Variants in CDH26 observed in about 807,000 individuals in gnomAD.
CDH26 encodes cadherin-like protein 26.
Under a neutral mutation model 90.3 loss-of-function variants are expected in CDH26, and 83 were observed. The observed-to-expected ratio is 0.92, with a 90% CI of 0.77 to 1.10. The LOEUF is 1.10. Among genes scored for constraint, CDH26 ranks in the 50% least tolerant of loss-of-function variants. CDH26 has a pLI of 0.00. For missense variants in CDH26, 1,013 were observed against 1,037.6 expected (o/e 0.98, Z 0.33); for synonymous variants, 397 against 396.3 (o/e 1.00, Z -0.02).
At position 60,012,813 on chromosome 20, in the gene CDH26, T is replaced by C; in HGVS notation, c.*83T>C. On this transcript the variant is annotated 3_prime_UTR_variant, in exon 18 of 18. Transcript: ENST00000348616. Reference sequence around the variant, plus strand: ...GGATTTTTCCCCTTTGCTCTTCTTTTCCCTCCTTAAAAGAAAAATTACCTT... The same window carrying C: ...GGATTTTTCCCCTTTGCTCTTCTTTCCCCTCCTTAAAAGAAAAATTACCTT... 7.4e-7 allele frequency: 1 copy of C among 1,356,406 alleles called. No homozygotes were observed. The highest frequency in any genetic ancestry group is 2.4e-5 in the East Asian group (1 of 41,520). 84.0% of individuals were successfully genotyped at this position (1,356,406 alleles called of 1,614,324 possible). A position where few individuals can be genotyped will look rare whatever the true frequency, so the allele number is the denominator to read the frequency against.
chr20:60,003,958 G>A (rs554805301), intron 16 of CDH26, among the ~76,000 whole-genome samples: 133 of 152,286 alleles, frequency 8.7e-4, no homozygotes, highest in African/African-American at 2.5e-3. Context: ...CTGACACGGC[G>A]TCTTCCTCTG....
intron 11 of CDH26, 77 bp downstream of exon 11, chr20:59,994,566 G>T (rs766727695): frequency 6.4e-7 from 1 of 1,552,510 alleles, no homozygotes; most frequent in Non-Finnish European, 8.7e-7. Context: ...GGCAAAAAAG[G>T]ACTTTATTAG....
intron 7 of CDH26, among the ~76,000 whole-genome samples, chr20:60,020,981 G>A (rs568341832): frequency 6.6e-6 from 1 of 152,294 alleles, no homozygotes; most frequent in African/African-American, 2.4e-5. Context: ...GGGAGATGGG[G>A]TGCAGATGCA....
intron 1 of CDH26, among the ~76,000 whole-genome samples, chr20:59,962,351 G>A (rs901139896): frequency 3.3e-5 from 5 of 152,180 alleles, no homozygotes; most frequent in Admixed American, 2.6e-4. Context: ...AAACCAAGGC[G>A]TCAGCAGGGC....
chr20:59,974,292 T>C (rs2061300605), intron 4 of CDH26, among the ~76,000 whole-genome samples: 1 of 152,226 alleles, frequency 6.6e-6, no homozygotes, highest in Non-Finnish European at 1.5e-5. Context: ...ATTAAATCTT[T>C]CAGATGCAAA....
intron 15 of CDH26, among the ~76,000 whole-genome samples, chr20:60,002,406 G>C (rs868719393): frequency 3.3e-5 from 5 of 151,764 alleles, no homozygotes; most frequent in African/African-American, 1.2e-4. Context: ...ACCTCTGCTT[G>C]GTTTAATATT....
At chr20:60,031,410 T>C (rs999417561) in exon 8 of CDH26, 4 of 1,196,172 alleles carry the variant, frequency 3.3e-6, no homozygotes, top group Non-Finnish European at 3.2e-6. Context: ...AGAAAGTTGT[T>C]TATGACCACA....
chr20:59,979,551 A>G (rs1297071447), intron 4 of CDH26, among the ~76,000 whole-genome samples: 2 of 145,716 alleles, frequency 1.4e-5, no homozygotes, highest in African/African-American at 5.1e-5. Context: ...TTATAAAACT[A>G]AAGGGTGCTT....
At chr20:60,002,609 A>C (rs968145562) in intron 15 of CDH26, among the ~76,000 whole-genome samples, 1 of 152,096 alleles carries the variant, frequency 6.6e-6, no homozygotes, top group African/African-American at 2.4e-5. Flanking sequence ...TAGAGCTTGC[A>C]AATCTAATAT....
At chr20:60,008,183 T>A (rs1049666009) in intron 17 of CDH26, among the ~76,000 whole-genome samples, 1 of 152,176 alleles carries the variant, frequency 6.6e-6, no homozygotes, top group Non-Finnish European at 1.5e-5. Flanking sequence ...AAGACATAAA[T>A]GTAGACAGTC....
At chr20:59,976,953 C>T (rs901805824) in intron 4 of CDH26, among the ~76,000 whole-genome samples, 2 of 152,086 alleles carry the variant, frequency 1.3e-5, no homozygotes, top group African/African-American at 2.4e-5. Flanking sequence ...GGAGGGCCAC[C>T]GACCCTGGGC....
chr20:59,977,543 TAA>T (rs1491513980), intron 4 of CDH26, among the ~76,000 whole-genome samples: 7 of 150,402 alleles, frequency 4.7e-5, no homozygotes, highest in Non-Finnish European at 8.9e-5. Flanking sequence ...TATATTTTAT[TAA>T]TATATATATT....
At chr20:59,964,731 C>G (rs2061124468) in intron 1 of CDH26, among the ~76,000 whole-genome samples, 4 of 152,320 alleles carry the variant, frequency 2.6e-5, no homozygotes, top group South Asian at 2.1e-4. Context: ...TTTCAAACCT[C>G]TTTTTGAACA....
At chr20:60,014,858 G>A (rs1365871103), downstream of CDH26, among the ~76,000 whole-genome samples, 1 of 152,154 alleles carries the variant, frequency 6.6e-6, no homozygotes, top group Non-Finnish European at 1.5e-5. Context: ...TATTTGTAGA[G>A]TTTTTGAGGA....
chr20:59,981,903 T>A (rs2061399544), intron 4 of CDH26, among the ~76,000 whole-genome samples: 1 of 152,122 alleles, frequency 6.6e-6, no homozygotes, highest in African/African-American at 2.4e-5. Flanking sequence ...TTTGTTTTTA[T>A]TTCTTGAAAG....
At chr20:59,969,552 T>A (rs1417254853) in intron 2 of CDH26, among the ~76,000 whole-genome samples, 1 of 152,242 alleles carries the variant, frequency 6.6e-6, no homozygotes, top group Non-Finnish European at 1.5e-5. Flanking sequence ...AACAAAACAA[T>A]GCTTTAAATT....
At position 59,972,181 on chromosome 20, in the gene CDH26, T is replaced by C; in HGVS notation, c.393+58T>C. The C allele has an allele frequency of 1.1e-5, 17 of 1,520,200 alleles. No homozygotes were observed. In the South Asian group the frequency reaches 1.6e-4, roughly 14 times the overall value. The allele number at this position is 1,520,200 out of a possible 1,614,324, so 94.2% of individuals were successfully genotyped here. ...TTTAAAAGCTCTTGCAAGACTGTTG[T>C]ATTTGGTAAGCATTATTTAAGCTGA... On this transcript the variant is annotated intron_variant, in intron 4 of 17. Coordinates refer to ENST00000348616, the MANE Select transcript of CDH26 (RefSeq NM_177980.4).
At chr20:59,968,836 T>C in intron 1 of CDH26, 131 bp from the exon 2 acceptor site, 1 of 463,364 alleles carries the variant, frequency 2.2e-6, no homozygotes, top group East Asian at 3.3e-5. Flanking sequence ...TAAGAAATTC[T>C]ATTTACCAAA....
chr20:59,991,379 G>A (rs2061525934), intron 9 of CDH26, among the ~76,000 whole-genome samples: 1 of 152,142 alleles, frequency 6.6e-6, no homozygotes, highest in Admixed American at 6.5e-5. Context: ...TGACAGGGTG[G>A]AGGCATGATC....
Sources: gnomAD v4.1 joint callset for allele counts (sites outside exome capture counted in the v4.1 genomes callset) on GRCh38, gnomAD v4.1.1 for gene constraint, MANE v1.5 for transcripts, NCBI Gene and HGNC (gene_info 2026-07-23, HGNC 2026-07-21) for gene names.